CNBD1: variants seen among roughly 807,000 people sequenced by gnomAD.
CNBD1 encodes cyclic nucleotide-binding domain-containing protein 1.
CNBD1 carries 71 observed loss-of-function variants against 54.4 expected under a neutral mutation model. The observed-to-expected ratio is 1.30, with a 90% CI of 1.08 to 1.59. The LOEUF (loss-of-function observed/expected upper bound fraction) is 1.59, where lower values mean the gene tolerates loss of function less well. Among genes scored for constraint, CNBD1 ranks in the 40% most tolerant of loss-of-function variants. CNBD1 has a pLI of 0.00. For missense variants in CNBD1, 659 were observed against 518.0 expected, an observed-to-expected ratio of 1.27 and a Z score of -2.64; for synonymous variants, 182 against 170.7, an observed-to-expected ratio of 1.07 and a Z score of -0.51.
intron 2 of CNBD1, among the ~76,000 whole-genome samples, chr8:86,893,131 T>A (rs1404541419): frequency 1.3e-5 from 2 of 152,278 alleles, no homozygotes; most frequent in East Asian, 3.9e-4. Flanking sequence ...CCCTGTCTTT[T>A]GGGATGGCAG....
At chr8:87,369,282 A>T (rs752209749) in intron 10 of CNBD1, among the ~76,000 whole-genome samples, 25 of 151,988 alleles carry the variant, frequency 1.6e-4, no homozygotes, top group Non-Finnish European at 3.1e-4. Context: ...TTGGTTTCCT[A>T]GGTCAATTCT....
At chr8:87,037,951 G>A (rs147797938) in intron 4 of CNBD1, among the ~76,000 whole-genome samples, 209 of 152,254 alleles carry the variant, frequency 1.4e-3, no homozygotes, top group Non-Finnish European at 2.8e-3. Flanking sequence ...ATTTTCTAAA[G>A]CTTAGTATAA....
intron 8 of CNBD1, among the ~76,000 whole-genome samples, chr8:87,315,902 T>A (rs2130894709): frequency 6.6e-6 from 1 of 152,170 alleles, no homozygotes; most frequent in East Asian, 1.9e-4. Flanking sequence ...GGTGATGGAT[T>A]TCCTAATTAC....
chr8:87,197,422 A>T (rs1057043078), intron 4 of CNBD1, among the ~76,000 whole-genome samples: 4 of 152,186 alleles, frequency 2.6e-5, no homozygotes, highest in Admixed American at 1.3e-4. Flanking sequence ...TAGACTCAAG[A>T]GGTTTAATTT....
chr8:87,205,643 G>T (rs971132579), intron 4 of CNBD1, among the ~76,000 whole-genome samples: 3 of 151,934 alleles, frequency 2.0e-5, no homozygotes, highest in African/African-American at 7.2e-5. Context: ...ATCTAAAAGA[G>T]GTCTTTATTA....
intron 4 of CNBD1, among the ~76,000 whole-genome samples, chr8:87,004,340 A>G (rs192215244): frequency 2.0e-5 from 3 of 152,296 alleles, no homozygotes; most frequent in Admixed American, 6.5e-5. Flanking sequence ...CCCCTACTAT[A>G]TGAAAACCAC....
intron 2 of CNBD1, among the ~76,000 whole-genome samples, chr8:87,408,308 T>G (rs1047426991): frequency 1.3e-5 from 2 of 152,054 alleles, no homozygotes; most frequent in Non-Finnish European, 2.9e-5. Flanking sequence ...CTGAGCATTT[T>G]CTCCTGTGCT....
rs919332964 is a variant in CNBD1 at position 87,063,648 on chromosome 8, G to C, written c.431+123894G>C. On this transcript the variant is annotated intron_variant, in intron 4 of 10. Coordinates refer to ENST00000518476, the MANE Select transcript of CNBD1 (RefSeq NM_173538.3). Reference sequence around the variant, plus strand: ...AAGGTTAGAATAAGATGATTTTGAGGGGAATATTTGGGATTTTAATCAGGG... The same window carrying C: ...AAGGTTAGAATAAGATGATTTTGAGCGGAATATTTGGGATTTTAATCAGGG... 2.0e-5 allele frequency among the ~76,000 whole-genome samples: 3 copies of C among 151,814 alleles called. No homozygotes were observed. The South Asian group carries it at 6.2e-4, about 32-fold the overall frequency.
intron 4 of CNBD1, among the ~76,000 whole-genome samples, chr8:86,974,352 A>G (rs1009502642): frequency 6.6e-6 from 1 of 152,124 alleles, no homozygotes; most frequent in African/African-American, 2.4e-5. Context: ...TACCTAATGT[A>G]GATAAACATT....
intron 9 of CNBD1, among the ~76,000 whole-genome samples, 172 bp downstream of exon 9, chr8:87,351,966 T>C (rs1050015500): frequency 1.3e-5 from 2 of 152,156 alleles, no homozygotes; most frequent in Admixed American, 6.6e-5. Flanking sequence ...TATAAGAATA[T>C]AAGTTGTAAG....
chr8:87,205,932 C>T (rs1425247749), intron 4 of CNBD1, 61 bp from the exon 5 acceptor site: 1 of 1,252,750 alleles, frequency 8.0e-7, no homozygotes, highest in East Asian at 3.0e-5. Flanking sequence ...AATTAAGGAT[C>T]TGTTTGTTTC....
chr8:87,304,460 G>T (rs1035301982), intron 8 of CNBD1, among the ~76,000 whole-genome samples: 1 of 151,874 alleles, frequency 6.6e-6, no homozygotes, highest in African/African-American at 2.4e-5. Flanking sequence ...CACAGGAAGG[G>T]GAACATCACA....
intron 1 of CNBD1, among the ~76,000 whole-genome samples, chr8:86,880,007 G>A (rs1808581569): frequency 6.6e-6 from 1 of 152,190 alleles, no homozygotes; most frequent in African/African-American, 2.4e-5. Flanking sequence ...AAGCAAGAAA[G>A]TTTAACAATC....
chr8:87,021,498 T>C (rs1809488224), intron 4 of CNBD1, among the ~76,000 whole-genome samples: 1 of 152,232 alleles, frequency 6.6e-6, no homozygotes, highest in South Asian at 2.1e-4. Context: ...CATTTTAGTT[T>C]TTTAGTATTC....
At chr8:87,213,657 T>A (rs1357506979) in intron 5 of CNBD1, among the ~76,000 whole-genome samples, 1 of 152,050 alleles carries the variant, frequency 6.6e-6, no homozygotes. Flanking sequence ...CAATTCAAGA[T>A]ACAATTTAGG....
downstream of CNBD1, among the ~76,000 whole-genome samples, chr8:87,384,647 G>A (rs903010219): frequency 6.6e-6 from 1 of 152,152 alleles, no homozygotes; most frequent in Non-Finnish European, 1.5e-5. Flanking sequence ...CAGACACATG[G>A]TAGGTATTAA....
chr8:87,198,488 A>T (rs1813769885), intron 4 of CNBD1, among the ~76,000 whole-genome samples: 1 of 152,242 alleles, frequency 6.6e-6, no homozygotes, highest in Non-Finnish European at 1.5e-5. Flanking sequence ...TGGAAACAAA[A>T]AAAAGCAGTT....
chr8:87,112,947 A>G lies in CNBD1; in HGVS notation c.432-93046A>G, dbSNP rs112320398. On this transcript the variant is annotated intron_variant, in intron 4 of 10. Coordinates refer to ENST00000518476, the MANE Select transcript of CNBD1 (RefSeq NM_173538.3). The stretch of plus-strand genomic sequence containing the variant: ...TCAGAAAACAACCTGTAAAGAAGTA[A>G]GGGAAGATCAGGATGGGGGAAGAAG... Among the ~76,000 whole-genome samples the G allele has an allele frequency of 4.7e-3, 715 of 152,314 alleles. 5 individuals are homozygous for G. Among genetic ancestry groups the G allele is most frequent in the Middle Eastern group, 0.01 (3 of 294 alleles).
At chr8:86,954,791 C>T (rs1807717940) in intron 4 of CNBD1, among the ~76,000 whole-genome samples, 1 of 152,160 alleles carries the variant, frequency 6.6e-6, no homozygotes, top group African/African-American at 2.4e-5. Flanking sequence ...CATATGTCCC[C>T]AGGCCTTACC....
Sources: allele counts gnomAD v4.1 joint callset (sites outside exome capture counted in the v4.1 genomes callset), GRCh38; gene constraint gnomAD v4.1.1; transcripts MANE v1.5; gene names NCBI Gene and HGNC (gene_info 2026-07-23, HGNC 2026-07-21).